Variants in AP2A2 observed in about 807,000 individuals in gnomAD.
The protein encoded by AP2A2 is AP-2 complex subunit alpha-2.
Under a neutral mutation model 104.2 loss-of-function variants are expected in AP2A2, and 32 were observed. The observed-to-expected ratio is 0.31, with a 90% CI of 0.23 to 0.41. The LOEUF (loss-of-function observed/expected upper bound fraction) is 0.41, where lower values mean the gene tolerates loss of function less well. Among genes scored for constraint, AP2A2 ranks in the 10% least tolerant of loss-of-function variants. The pLI is 1.00. For synonymous variants in AP2A2, 539 were observed against 533.3 expected, an observed-to-expected ratio of 1.01 and a Z score of -0.15; for missense variants, 912 against 1,261.0, an observed-to-expected ratio of 0.72 and a Z score of 4.19.
chr11:957,638 C>T (rs1461629679), intron 1 of AP2A2, among the ~76,000 whole-genome samples: 6 of 152,160 alleles, frequency 3.9e-5, no homozygotes, highest in Non-Finnish European at 8.8e-5. Context: ...TAGATGAAAA[C>T]CAGTATGTAT....
chr11:993,747 TC>T lies in AP2A2; in HGVS notation c.1551-3del. On this transcript the variant is annotated splice_polypyrimidine_tract_variant and splice_region_variant and intron_variant, in intron 12 of 21. Transcript: ENST00000448903. The surrounding 1 kb of genome is among the most constrained non-coding windows in gnomAD (Gnocchi z 8.2). Reference sequence around the variant, plus strand: ...GGTGTCCCTGTGTTGTGCCTCCCCGTCCCCAGCCCGCTGATCCAGTTCCACC... The same window carrying T: ...GGTGTCCCTGTGTTGTGCCTCCCCGTCCCAGCCCGCTGATCCAGTTCCACC... 1 of 1,580,738 alleles carries T rather than the reference TC, an allele frequency of 6.3e-7. No individual in the cohort carries two copies.
chr11:959,836 C>T (rs1045262396), intron 2 of AP2A2, among the ~76,000 whole-genome samples: 5 of 152,208 alleles, frequency 3.3e-5, no homozygotes, highest in South Asian at 2.1e-4. Flanking sequence ...AAGGCGCCAC[C>T]GAACGCCTCC....
chr11:953,228 G>C (rs1854110721), intron 1 of AP2A2, among the ~76,000 whole-genome samples: 1 of 151,198 alleles, frequency 6.6e-6, no homozygotes, highest in South Asian at 2.1e-4. Flanking sequence ...GCAGTGGTGT[G>C]ATCTCGGCTC....
chr11:931,693 G>T (rs1589939113), intron 1 of AP2A2, among the ~76,000 whole-genome samples: 1 of 152,186 alleles, frequency 6.6e-6, no homozygotes, highest in Non-Finnish European at 1.5e-5. Context: ...AATTTCCATG[G>T]TCTTGAAGAA....
chr11:978,363 A>T (rs1174877686), intron 5 of AP2A2, among the ~76,000 whole-genome samples: 1 of 152,126 alleles, frequency 6.6e-6, no homozygotes, highest in Non-Finnish European at 1.5e-5. Context: ...ATGCAGCCGC[A>T]GGGTCACCCT....
At chr11:930,832 T>C (rs1242844798) in intron 1 of AP2A2, among the ~76,000 whole-genome samples, 1 of 152,186 alleles carries the variant, frequency 6.6e-6, no homozygotes, top group Non-Finnish European at 1.5e-5. Context: ...CTACCTTTCT[T>C]AATGTGGACA....
rs778518280 is a variant in AP2A2 at position 1,011,063 on chromosome 11, C to T, written c.*438C>T. 4.8e-6 allele frequency: 3 copies of T among 628,146 alleles called. No individual in the cohort carries two copies. The highest frequency in any genetic ancestry group is 2.8e-5 in the South Asian group (2 of 71,114). 38.9% of individuals were successfully genotyped at this position (628,146 alleles called of 1,614,324 possible). A position where few individuals can be genotyped will look rare whatever the true frequency, so the allele number is the denominator to read the frequency against. ...TGGTGTGTGGCCGTCCTGGTGGCTGCACACCTGGCGTCGTCCTGGGCCCTT... is the reference window on the plus strand; with the variant it reads ...TGGTGTGTGGCCGTCCTGGTGGCTGTACACCTGGCGTCGTCCTGGGCCCTT... On this transcript the variant is annotated 3_prime_UTR_variant, in exon 22 of 22. Coordinates refer to ENST00000448903, the MANE Select transcript of AP2A2 (RefSeq NM_012305.4).
intron 10 of AP2A2, among the ~76,000 whole-genome samples, chr11:989,246 GA>G (rs1276372538): frequency 2.0e-5 from 3 of 152,210 alleles, no homozygotes; most frequent in Non-Finnish European, 2.9e-5. Flanking sequence ...AGAATCGCTT[GA>G]ACCCGGGAGG....
chr11:1,010,501 G>T (rs1160468636), intron 21 of AP2A2, 47 bp from the exon 22 acceptor site: 2 of 1,487,700 alleles, frequency 1.3e-6, no homozygotes. Flanking sequence ...CCCGAGGGCT[G>T]TGTGAGCCTC....
chr11:974,332 G>A (rs531435784), intron 4 of AP2A2, among the ~76,000 whole-genome samples: 1 of 152,338 alleles, frequency 6.6e-6, no homozygotes, highest in Admixed American at 6.5e-5. Flanking sequence ...GTACCCATGG[G>A]CCTTCCTTGA....
rs550619475 is a variant in AP2A2, at chr11:987,028, C to T, written c.1131+75C>T. ...GGTCTTCCTGTGAAGGCTGGGGGTA[C>T]GCAGTGCCTCCTGACTCCCCGCAGA... On this transcript the variant is annotated intron_variant, in intron 9 of 21. Coordinates refer to ENST00000448903, the MANE Select transcript of AP2A2 (RefSeq NM_012305.4). 327 of 1,482,728 alleles carry T rather than the reference C, an allele frequency of 2.2e-4. 2 individuals carry two copies. The East Asian group carries it at 4.2e-3, about 19-fold the overall frequency. 91.8% of individuals were successfully genotyped at this position (1,482,728 alleles called of 1,614,324 possible). A position where few individuals can be genotyped will look rare whatever the true frequency, so the allele number is the denominator to read the frequency against.
chr11:993,724 TG>T lies in AP2A2; in HGVS notation c.1551-29del, dbSNP rs780078818. 6.6e-7 allele frequency: 1 copy of T among 1,523,518 alleles called. No individual in the cohort carries two copies. Among genetic ancestry groups the T allele is most frequent in the Non-Finnish European group, 8.9e-7 (1 of 1,126,080 alleles). 94.4% of individuals were successfully genotyped at this position (1,523,518 alleles called of 1,614,324 possible). On this transcript the variant is annotated intron_variant, in intron 12 of 21. Coordinates refer to ENST00000448903, the MANE Select transcript of AP2A2 (RefSeq NM_012305.4). The surrounding 1 kb of genome is among the most constrained non-coding windows in gnomAD (Gnocchi z 8.2). ...GCTGCAGCCTGCGAGGGGACGACGG[TG>T]TCCCTGTGTTGTGCCTCCCCGTCCC...
At position 992,793 on chromosome 11, in the gene AP2A2, C is replaced by A. The variant is rs1240968149; in HGVS notation, c.1452+108C>A. The A allele has an allele frequency of 4.1e-5, 47 of 1,137,602 alleles. No homozygotes were observed. Among genetic ancestry groups the A allele is most frequent in the Non-Finnish European group, 5.8e-5 (45 of 779,776 alleles). 70.5% of individuals were successfully genotyped at this position (1,137,602 alleles called of 1,614,324 possible). A position where few individuals can be genotyped will look rare whatever the true frequency, so the allele number is the denominator to read the frequency against. On this transcript the variant is annotated intron_variant, in intron 11 of 21. Coordinates refer to ENST00000448903, the MANE Select transcript of AP2A2 (RefSeq NM_012305.4). This position sits in a 1 kb window ranked among gnomAD's most constrained non-coding sequence, Gnocchi z 6.4. Reference sequence around the variant, plus strand: ...TGGAGGTGCCGAGGGCCGTTGCTGACCCCTCTTGCCCCTCAGCTCTTCCCT... The same window carrying A: ...TGGAGGTGCCGAGGGCCGTTGCTGAACCCTCTTGCCCCTCAGCTCTTCCCT...
In AP2A2 at chr11:988,636, G is replaced by A; in HGVS notation, c.1216G>A (p.Ala406Thr). 1 of 1,613,666 alleles carries A rather than the reference G, an allele frequency of 6.2e-7. No homozygotes were observed. The change falls in exon 10 of 22, where the codon GCC becomes ACC. Residue 406 changes from alanine to threonine, a missense_variant. Around this residue, in one of 7 missense-constraint regions of AP2A2, gnomAD observed 350 missense variants for 487.0 expected, o/e 0.72. Transcript: ENST00000448903. Reference protein sequence around the residue: ...CDRSNAPQIVAEMLSYLETAD... With the variant: ...CDRSNAPQIVTEMLSYLETAD... ...CCGCAGCAACGCCCCACAGATCGTG[G>A]CCGAGATGCTGAGCTATCTGGAGAC...
In AP2A2 at chr11:1,011,440, G is replaced by T. The variant is rs778509705; in HGVS notation, c.*815G>T. ...CGTCCCCAGGCCACGGTGCAGGCCT[G>T]AGTCCTTCCACCGGCCCCGTCCAGT... On this transcript the variant is annotated 3_prime_UTR_variant, in exon 22 of 22. Transcript: ENST00000448903. The T allele has an allele frequency of 1.4e-5, 7 of 500,932 alleles. No homozygotes were observed. The Admixed American group carries it at 1.5e-4, about 10-fold the overall frequency. 31.0% of individuals were successfully genotyped at this position (500,932 alleles called of 1,614,324 possible).
chr11:957,753 C>T (rs1854285639), intron 1 of AP2A2, among the ~76,000 whole-genome samples: 1 of 152,256 alleles, frequency 6.6e-6, no homozygotes, highest in South Asian at 2.1e-4. Flanking sequence ...CAGACCTGCT[C>T]CCTGTATCGT....
chr11:925,952 TC>T lies in AP2A2; in HGVS notation c.-66del, dbSNP rs1853104079. The T allele has an allele frequency of 1.6e-6, 2 of 1,235,130 alleles. No homozygotes were observed. The highest frequency in any genetic ancestry group is 3.2e-5 in the African/African-American group (2 of 62,808). 76.5% of individuals were successfully genotyped at this position (1,235,130 alleles called of 1,614,324 possible). A position where few individuals can be genotyped will look rare whatever the true frequency, so the allele number is the denominator to read the frequency against. On this transcript the variant is annotated 5_prime_UTR_variant, in exon 1 of 22. Transcript: ENST00000448903. ...TCCGCGGCGGTGACGGCGACCGCACTCCCCGCTTCCCGCTCCCCGCGCTCCT... is the reference window on the plus strand; with the variant it reads ...TCCGCGGCGGTGACGGCGACCGCACTCCCGCTTCCCGCTCCCCGCGCTCCT...
intron 1 of AP2A2, among the ~76,000 whole-genome samples, chr11:937,392 C>T (rs746370907): frequency 2.6e-5 from 4 of 152,100 alleles, no homozygotes; most frequent in South Asian, 2.1e-4. Flanking sequence ...GTGCCGTGAG[C>T]GCATGTCAGA....
intron 6 of AP2A2, among the ~76,000 whole-genome samples, chr11:983,594 A>G (rs747419243): frequency 2.1e-4 from 32 of 151,724 alleles, no homozygotes; most frequent in South Asian, 4.2e-4. Context: ...TGTGTTAGCC[A>G]GGATGGTCTC....
Sources: allele counts gnomAD v4.1 joint callset (sites outside exome capture counted in the v4.1 genomes callset), GRCh38; gene constraint gnomAD v4.1.1; regional missense constraint gnomAD v4.1.1; non-coding constraint Gnocchi (gnomAD v3.1); transcripts MANE v1.5; gene names NCBI Gene and HGNC (gene_info 2026-07-23, HGNC 2026-07-21).